Variants in CPSF7 observed in about 807,000 individuals in gnomAD.
CPSF7 encodes cleavage and polyadenylation specificity factor subunit 7.
A neutral mutation model predicts 44.3 loss-of-function variants in CPSF7; 1 was observed. The observed-to-expected ratio is 0.02, with a 90% CI of 0.01 to 0.11. CPSF7 has a LOEUF of 0.11. Ranked by LOEUF, CPSF7 falls within the 10% of genes least tolerant of loss-of-function variation. The pLI, the probability that CPSF7 is intolerant of heterozygous loss-of-function variation, is 1.00. For synonymous variants in CPSF7, 202 were observed against 222.0 expected, an observed-to-expected ratio of 0.91 and a Z score of 0.80; for missense variants, 443 against 607.2, an observed-to-expected ratio of 0.73 and a Z score of 2.84.
chr11:61,416,368 C>G lies in CPSF7; in HGVS notation c.675G>C (p.Leu225=). 1 of 1,609,256 alleles carries G rather than the reference C, an allele frequency of 6.2e-7. No homozygotes were observed. The highest frequency in any genetic ancestry group is 8.5e-7 in the Non-Finnish European group (1 of 1,177,436). The part of the protein sequence containing the change: ...YFNRPPSALP[L]MGLPPPPIPP... The stretch of plus-strand genomic sequence containing the variant: ...GAATTGGTGGTGGGGGCAGACCCAT[C>G]AGGGGAAGGGCCGAAGGAGGACGAT... Residue 225 remains leucine (L), a synonymous_variant, in exon 6 of 10, where the codon CTG becomes CTC. Coordinates refer to ENST00000439958, the MANE Select transcript of CPSF7 (RefSeq NM_001142565.3).
At chr11:61,420,447 G>T (rs765539132) in intron 4 of CPSF7, 23 bp downstream of exon 4, 1 of 1,569,446 alleles carries the variant, frequency 6.4e-7, no homozygotes, top group Non-Finnish European at 8.8e-7. Flanking sequence ...AATTAAAAGG[G>T]GCTTCTCAAA....
chr11:61,429,604 G>A (rs1256541850), intron 1 of CPSF7: 7 of 819,248 alleles, frequency 8.5e-6, no homozygotes, highest in South Asian at 7.2e-5. Context: ...TGACCGCGGC[G>A]AAGCCCGCAG....
intron 2 of CPSF7, among the ~76,000 whole-genome samples, chr11:61,428,239 C>T (rs975853859): frequency 2.0e-5 from 3 of 152,162 alleles, no homozygotes; most frequent in African/African-American, 4.8e-5. Context: ...TAGAGTGCAG[C>T]GGCCCAATCA....
chr11:61,409,193 G>A (rs758916946), intron 9 of CPSF7, among the ~76,000 whole-genome samples: 2 of 151,516 alleles, frequency 1.3e-5, no homozygotes, highest in Non-Finnish European at 2.9e-5. Context: ...CAAAAAAACA[G>A]CCGGGTGCGG....
Position 61,403,803 on chromosome 11 carries a change from T to C in CPSF7, c.*907A>G, listed in dbSNP as rs558325498. 2.0e-5 allele frequency: 3 copies of C among 152,614 alleles called. No individual in the cohort carries two copies. The highest frequency in any genetic ancestry group is 2.1e-4 in the South Asian group (1 of 4,830). The allele number at this position is 152,614 out of a possible 1,614,324, so 9.5% of individuals were successfully genotyped here. A position where few individuals can be genotyped will look rare whatever the true frequency, so the allele number is the denominator to read the frequency against. On this transcript the variant is annotated 3_prime_UTR_variant, in exon 10 of 10. Coordinates refer to ENST00000439958, the MANE Select transcript of CPSF7 (RefSeq NM_001142565.3). ...GGGTTCTTCATTGCTGAGGTCCCAA[T>C]GTCCCCATCTCCCAATGGGCAGTAC... is the stretch of plus-strand genomic sequence containing the variant.
intron 1 of CPSF7, chr11:61,429,704 C>T: frequency 2.0e-6 from 3 of 1,527,064 alleles, no homozygotes; most frequent in Non-Finnish European, 2.6e-6. Context: ...TGCCCCCAAC[C>T]CAGGCCTACT....
chr11:61,429,073 G>C (rs1861672014), intron 2 of CPSF7, 109 bp downstream of exon 2: 1 of 647,570 alleles, frequency 1.5e-6, no homozygotes, highest in Non-Finnish European at 2.8e-6. Flanking sequence ...AGACCGGATA[G>C]ACGCGTGTTC....
intron 2 of CPSF7, among the ~76,000 whole-genome samples, chr11:61,428,338 A>AT (rs1248394996): frequency 1.3e-5 from 2 of 151,828 alleles, no homozygotes; most frequent in African/African-American, 2.4e-5. Context: ...ACAAGCCACC[A>AT]TATCTCGTTG....
At chr11:61,414,892 G>A (rs1028431080) in intron 7 of CPSF7, among the ~76,000 whole-genome samples, 1 of 152,128 alleles carries the variant, frequency 6.6e-6, no homozygotes, top group Non-Finnish European at 1.5e-5. Context: ...TTTAGGATAG[G>A]CTACCTACCA....
intron 7 of CPSF7, among the ~76,000 whole-genome samples, chr11:61,415,003 G>T (rs148113434): frequency 6.6e-6 from 1 of 152,148 alleles, no homozygotes; most frequent in Non-Finnish European, 1.5e-5. Flanking sequence ...TTGGGAGGCC[G>T]AGACAGGCGG....
intron 7 of CPSF7, among the ~76,000 whole-genome samples, chr11:61,414,266 C>G (rs928100890): frequency 3.3e-5 from 5 of 150,540 alleles, no homozygotes; most frequent in Admixed American, 2.0e-4. Flanking sequence ...TCTCAATTCT[C>G]GTGCCTCAGC....
At chr11:61,405,777 C>T (rs1051806011) in intron 9 of CPSF7, among the ~76,000 whole-genome samples, 5 of 152,186 alleles carry the variant, frequency 3.3e-5, no homozygotes, top group African/African-American at 9.7e-5. Context: ...CCTCCCTGAT[C>T]CTTGTACACA....
intron 9 of CPSF7, chr11:61,410,424 T>C (rs1859750939): frequency 6.6e-6 from 1 of 152,392 alleles, no homozygotes; most frequent in South Asian, 2.1e-4. Flanking sequence ...GAAAACTAAG[T>C]GGCAATGGCT....
At chr11:61,414,850 G>T (rs527536189) in intron 7 of CPSF7, among the ~76,000 whole-genome samples, 2 of 152,308 alleles carry the variant, frequency 1.3e-5, no homozygotes, top group African/African-American at 4.8e-5. Context: ...GGCATAACAT[G>T]CCTTAAGATG....
intron 2 of CPSF7, among the ~76,000 whole-genome samples, chr11:61,428,257 C>T (rs554350816): frequency 3.3e-5 from 5 of 152,216 alleles, no homozygotes; most frequent in Non-Finnish European, 5.9e-5. Flanking sequence ...TCATGGCTCA[C>T]TGCAGCCTTG....
chr11:61,425,258 AT>A, intron 2 of CPSF7, among the ~76,000 whole-genome samples: 1 of 152,328 alleles, frequency 6.6e-6, no homozygotes, highest in African/African-American at 2.4e-5. Flanking sequence ...ATCACAATTC[AT>A]TTTACTTGTT....
intron 2 of CPSF7, among the ~76,000 whole-genome samples, chr11:61,428,540 G>T (rs188993792): frequency 1.6e-4 from 25 of 152,258 alleles, no homozygotes; most frequent in Non-Finnish European, 2.8e-4. Context: ...ATCCAACTGA[G>T]GGTATGTGCA....
At chr11:61,405,438 C>G (rs1227516673) in intron 9 of CPSF7, among the ~76,000 whole-genome samples, 1 of 152,144 alleles carries the variant, frequency 6.6e-6, no homozygotes, top group East Asian at 1.9e-4. Context: ...AGTCACGTGG[C>G]CAGGCCAGAA....
Position 61,422,888 on chromosome 11 carries a change from T to C in CPSF7, c.55-1280A>G, listed in dbSNP as rs1485664759. Among the ~76,000 whole-genome samples, 3 of 151,940 alleles carry C rather than the reference T, an allele frequency of 2.0e-5. No homozygotes were observed. In the East Asian group the frequency reaches 5.8e-4, roughly 29 times the overall value. On this transcript the variant is annotated intron_variant, in intron 2 of 9. Transcript: ENST00000439958. ...TGGCTCACGCCTTGTATCCCAGCACTTTAGGACGCAGAGATAGGCAAACTG... is the reference window on the plus strand; with the variant it reads ...TGGCTCACGCCTTGTATCCCAGCACCTTAGGACGCAGAGATAGGCAAACTG...
Sources: allele counts gnomAD v4.1 joint callset (sites outside exome capture counted in the v4.1 genomes callset), GRCh38; gene constraint gnomAD v4.1.1; transcripts MANE v1.5; gene names NCBI Gene and HGNC (gene_info 2026-07-23, HGNC 2026-07-21).